LRP1B: variants seen among roughly 807,000 people sequenced by gnomAD.
LRP1B encodes the protein LDL receptor related protein 1B.
In LRP1B, 217 loss-of-function variants were observed where a neutral mutation model predicts 556.6. The ratio of observed to expected loss-of-function variants is 0.39; its 90% confidence interval spans 0.35 to 0.44. LRP1B has a LOEUF of 0.44. Among genes scored for constraint, LRP1B ranks in the 20% least tolerant of loss-of-function variants. The pLI, the probability that LRP1B is intolerant of heterozygous loss-of-function variation, is 1.00. For missense variants in LRP1B, 5,053 were observed against 5,620.8 expected, an observed-to-expected ratio of 0.90 and a Z score of 3.23; for synonymous variants, 2,047 against 1,865.8, an observed-to-expected ratio of 1.10 and a Z score of -2.50.
chr2:140,943,162 C>T (rs1695449710), intron 20 of LRP1B, among the ~76,000 whole-genome samples: 1 of 151,940 alleles, frequency 6.6e-6, no homozygotes, highest in African/African-American at 2.4e-5. Context: ...AGACTTTAAA[C>T]CAGCAACAGT....
intron 2 of LRP1B, among the ~76,000 whole-genome samples, chr2:141,745,103 G>A (rs1693864105): frequency 6.6e-6 from 1 of 152,088 alleles, no homozygotes; most frequent in Non-Finnish European, 1.5e-5. Context: ...AAACACCCCT[G>A]TGACCACCAC....
chr2:142,117,394 C>A (rs1280950146), intron 1 of LRP1B, among the ~76,000 whole-genome samples: 3 of 152,078 alleles, frequency 2.0e-5, no homozygotes, highest in African/African-American at 7.2e-5. Flanking sequence ...CATAATGGCC[C>A]AGTCGAAATA....
rs1237436351 is a variant in LRP1B, at chr2:141,015,794, T to C, written c.2092A>G (p.Asn698Asp). The change falls in exon 13 of 91, where the codon AAC (asparagine) becomes GAC (aspartate). Residue 698 changes from asparagine to aspartate, a missense_variant. By Grantham distance (23) the Asn-to-Asp change is conservative (BLOSUM62 1). Around this residue, in one of 5 missense-constraint regions of LRP1B, gnomAD observed 3,619 missense variants for 3,931.9 expected, o/e 0.92. Transcript: ENST00000389484. ...GTGTGAAAGTCCAGAGTTAAACCGT[T>C]TGGCCACAGCATCTTTGAAGTCACA... ...IFVTSKMLWP[N>D]GLTLDFHTNT... is the part of the protein sequence containing the mutation. The C allele has an allele frequency of 6.2e-7, 1 of 1,613,560 alleles. No homozygotes were observed.
chr2:140,424,477 T>C (rs1235202560), intron 66 of LRP1B, among the ~76,000 whole-genome samples: 4 of 152,180 alleles, frequency 2.6e-5, no homozygotes, highest in Non-Finnish European at 5.9e-5. Flanking sequence ...AACCTCACCA[T>C]GCTTATAGAA....
chr2:141,716,035 A>G (rs923310042), intron 2 of LRP1B, among the ~76,000 whole-genome samples: 13 of 152,146 alleles, frequency 8.5e-5, no homozygotes, highest in African/African-American at 3.1e-4. Context: ...TGCCTTTAGC[A>G]ATGGGGATTT....
Position 141,755,001 on chromosome 2 carries a change from T to A in LRP1B, c.205+55278A>T, listed in dbSNP as rs534983778. ...CATACCAAACTCTGCTATCCTCTTA[T>A]ATATATATAAAAGGAAAAACAGCAG... On this transcript the variant is annotated intron_variant, in intron 2 of 90. Coordinates refer to ENST00000389484, the MANE Select transcript of LRP1B (RefSeq NM_018557.3). Among the ~76,000 whole-genome samples, 5 of 152,062 alleles carry A rather than the reference T, an allele frequency of 3.3e-5. No homozygotes were observed. The South Asian group carries it at 1.0e-3, about 32-fold the overall frequency.
intron 7 of LRP1B, among the ~76,000 whole-genome samples, chr2:141,098,190 T>C (rs560826464): frequency 7.2e-5 from 11 of 152,340 alleles, no homozygotes; most frequent in African/African-American, 2.4e-4. Flanking sequence ...CTACTTTCTA[T>C]GGTCCTGATT....
chr2:140,507,949 C>T (rs989787290), intron 52 of LRP1B, among the ~76,000 whole-genome samples: 2 of 151,932 alleles, frequency 1.3e-5, no homozygotes, highest in Admixed American at 1.3e-4. Flanking sequence ...CTTATAAGGG[C>T]TAGATAATGT....
At chr2:140,942,751 A>G (rs930950542) in intron 20 of LRP1B, among the ~76,000 whole-genome samples, 1 of 152,090 alleles carries the variant, frequency 6.6e-6, no homozygotes, top group Non-Finnish European at 1.5e-5. Flanking sequence ...GGAATTCACT[A>G]CCACTGGACT....
At chr2:141,233,145 C>T (rs1683533012) in intron 5 of LRP1B, among the ~76,000 whole-genome samples, 2 of 152,146 alleles carry the variant, frequency 1.3e-5, no homozygotes, top group African/African-American at 4.8e-5. Context: ...TTGAAAAGCA[C>T]ATTAGATGAC....
chr2:140,327,088 G>A (rs559088671), intron 79 of LRP1B, among the ~76,000 whole-genome samples: 6 of 152,056 alleles, frequency 3.9e-5, no homozygotes, highest in South Asian at 4.1e-4. Flanking sequence ...TGCATACTTC[G>A]GAAGTACAAT....
chr2:141,168,293 C>T (rs951909672), intron 7 of LRP1B, among the ~76,000 whole-genome samples: 3 of 151,972 alleles, frequency 2.0e-5, no homozygotes, highest in African/African-American at 4.8e-5. Flanking sequence ...TTGTAAATGA[C>T]GTGCATTAAA....
chr2:141,218,213 A>T (rs1033680973), intron 6 of LRP1B, among the ~76,000 whole-genome samples: 1 of 152,208 alleles, frequency 6.6e-6, no homozygotes, highest in Non-Finnish European at 1.5e-5. Flanking sequence ...AGCCACTGTT[A>T]AAAACAGTTT....
At chr2:140,734,326 G>A (rs2105506679) in intron 35 of LRP1B, among the ~76,000 whole-genome samples, 1 of 152,288 alleles carries the variant, frequency 6.6e-6, no homozygotes, top group South Asian at 2.1e-4. Flanking sequence ...TTGGGGACTA[G>A]ACTTGGAAGA....
intron 7 of LRP1B, among the ~76,000 whole-genome samples, chr2:141,109,610 C>CTA (rs1700697554): frequency 6.6e-6 from 1 of 151,046 alleles, no homozygotes; most frequent in South Asian, 2.1e-4. Flanking sequence ...ATCCTGCAAC[C>CTA]CTGAGATGAG....
intron 1 of LRP1B, among the ~76,000 whole-genome samples, chr2:141,951,269 G>T (rs574403166): frequency 8.4e-4 from 128 of 152,104 alleles, no homozygotes; most frequent in African/African-American, 2.9e-3. Flanking sequence ...TAATTTCCGA[G>T]ATTTCAGTGC....
chr2:141,106,035 T>C (rs1301989682), intron 7 of LRP1B, among the ~76,000 whole-genome samples: 1 of 152,246 alleles, frequency 6.6e-6, no homozygotes, highest in East Asian at 1.9e-4. Context: ...AGAAAGTTGC[T>C]TGAACACCAA....
At chr2:140,330,587 G>T (rs1680756187) in intron 79 of LRP1B, among the ~76,000 whole-genome samples, 1 of 151,936 alleles carries the variant, frequency 6.6e-6, no homozygotes, top group South Asian at 2.1e-4. Context: ...ATAGATTTAA[G>T]ACTTAAATGT....
At chr2:140,555,118 G>C (rs1298455756) in intron 43 of LRP1B, among the ~76,000 whole-genome samples, 1 of 151,580 alleles carries the variant, frequency 6.6e-6, no homozygotes, top group Non-Finnish European at 1.5e-5. Context: ...AGTAGAAAAA[G>C]TGAAGAGCTA....
Sources: allele counts gnomAD v4.1 joint callset (sites outside exome capture counted in the v4.1 genomes callset), GRCh38; gene constraint gnomAD v4.1.1; regional missense constraint gnomAD v4.1.1; transcripts MANE v1.5; gene names NCBI Gene and HGNC (gene_info 2026-07-23, HGNC 2026-07-21).